The following LRRK2 variants were observed in gnomAD, a reference collection of about 807,000 sequenced individuals.
The protein encoded by LRRK2 is leucine rich repeat kinase 2.
LRRK2 carries 203 observed loss-of-function variants against 302.6 expected under a neutral mutation model. The observed-to-expected ratio is 0.67, with a 90% CI of 0.60 to 0.75. The LOEUF (loss-of-function observed/expected upper bound fraction) is 0.75. LRRK2 is among the 30% of genes least tolerant of loss of function. LRRK2 has a pLI of 0.00. For synonymous variants in LRRK2, 1,066 were observed against 1,031.9 expected, an observed-to-expected ratio of 1.03 and a Z score of -0.63; for missense variants, 2,830 against 2,951.0, an observed-to-expected ratio of 0.96 and a Z score of 0.95.
chr12:40,229,296 T>G (rs753911664), intron 2 of LRRK2, among the ~76,000 whole-genome samples: 3 of 152,160 alleles, frequency 2.0e-5, no homozygotes, highest in Non-Finnish European at 2.9e-5. Flanking sequence ...GGTAAATTTC[T>G]CCTTCATTTA....
At position 40,298,580 on chromosome 12, in the gene LRRK2, T is replaced by C. The variant is rs1944471103; in HGVS notation, c.3347+87T>C. ...GCTGACATTTTTATAGCAATGAGTTTTAACAACATGGTGAAACTCCATCTC... is the reference window on the plus strand; with the variant it reads ...GCTGACATTTTTATAGCAATGAGTTCTAACAACATGGTGAAACTCCATCTC... On this transcript the variant is annotated intron_variant, in intron 24 of 50. Coordinates refer to ENST00000298910, the MANE Select transcript of LRRK2 (RefSeq NM_198578.4). 4 of 1,520,610 alleles carry C rather than the reference T, an allele frequency of 2.6e-6. No homozygotes were observed. The South Asian group carries it at 3.4e-5, about 13-fold the overall frequency. The allele number at this position is 1,520,610 out of a possible 1,614,324, so 94.2% of individuals were successfully genotyped here.
chr12:40,361,653 A>G (rs1411196881), intron 47 of LRRK2, among the ~76,000 whole-genome samples: 1 of 152,116 alleles, frequency 6.6e-6, no homozygotes, highest in East Asian at 1.9e-4. Context: ...TGGAGCATAG[A>G]TGCTTTACTA....
At chr12:40,349,794 G>T (rs1481950440) in intron 43 of LRRK2, among the ~76,000 whole-genome samples, 1 of 152,218 alleles carries the variant, frequency 6.6e-6, no homozygotes, top group Non-Finnish European at 1.5e-5. Flanking sequence ...ATGAGCAACT[G>T]CACCTGGCCA....
chr12:40,253,075 T>C, intron 11 of LRRK2, 59 bp downstream of exon 11: 6 of 1,086,420 alleles, frequency 5.5e-6, no homozygotes, highest in Non-Finnish European at 8.4e-6. Flanking sequence ...TATTTTTAAT[T>C]ATAGAAGCTA....
intron 13 of LRRK2, among the ~76,000 whole-genome samples, chr12:40,259,927 T>C (rs1272290338): frequency 6.6e-6 from 1 of 152,162 alleles, no homozygotes; most frequent in African/African-American, 2.4e-5. Flanking sequence ...TCAAGCTTTT[T>C]TTCTCTTGTT....
intron 24 of LRRK2, among the ~76,000 whole-genome samples, chr12:40,298,874 CTATATATAATACTTAT>C (rs1944507530): frequency 1.2e-4 from 1 of 8,240 alleles, no homozygotes; most frequent in Non-Finnish European, 2.4e-4. Flanking sequence ...TATATATATA[CTATATATAATACTTAT>C]TATATATATA....
At chr12:40,351,755 A>G in intron 44 of LRRK2, 22 bp downstream of exon 44, 1 of 1,609,426 alleles carries the variant, frequency 6.2e-7, no homozygotes, top group Non-Finnish European at 8.5e-7. Flanking sequence ...TGCTCTTTAA[A>G]TCTTTCATAA....
At chr12:40,315,450 C>A in intron 33 of LRRK2, 150 bp downstream of exon 33, 1 of 701,244 alleles carries the variant, frequency 1.4e-6, no homozygotes, top group South Asian at 1.5e-5. Flanking sequence ...ACATAGAAGA[C>A]TACTTGAAGA....
At chr12:40,309,016 A>G in intron 29 of LRRK2, 90 bp from the exon 30 acceptor site, 1 of 1,339,958 alleles carries the variant, frequency 7.5e-7, no homozygotes, top group South Asian at 1.2e-5. Context: ...TAAATAATAA[A>G]TAGTATTATT....
intron 18 of LRRK2, among the ~76,000 whole-genome samples, chr12:40,281,160 T>C (rs1943681514): frequency 6.6e-6 from 1 of 152,084 alleles, no homozygotes; most frequent in South Asian, 2.1e-4. Context: ...ATCATGCTCA[T>C]TACCACCTGG....
intron 32 of LRRK2, among the ~76,000 whole-genome samples, chr12:40,315,009 C>T (rs1485203987): frequency 6.6e-6 from 1 of 152,030 alleles, no homozygotes; most frequent in Non-Finnish European, 1.5e-5. Flanking sequence ...TAAATATGAT[C>T]ATTTTATGTA....
intron 39 of LRRK2, among the ~76,000 whole-genome samples, chr12:40,331,550 A>G (rs377322594): frequency 6.6e-6 from 1 of 152,160 alleles, no homozygotes; most frequent in African/African-American, 2.4e-5. Flanking sequence ...TGGGCCATAT[A>G]TAAAATACAC....
chr12:40,329,770 C>G (rs1264852431), intron 39 of LRRK2, among the ~76,000 whole-genome samples: 1 of 152,114 alleles, frequency 6.6e-6, no homozygotes, highest in Non-Finnish European at 1.5e-5. Flanking sequence ...GATGGAGTCT[C>G]ATTAGGTTGA....
At chr12:40,324,110 T>C (rs1347682956) in intron 38 of LRRK2, among the ~76,000 whole-genome samples, 2 of 152,204 alleles carry the variant, frequency 1.3e-5, no homozygotes, top group African/African-American at 2.4e-5. Flanking sequence ...TGTCATTCTG[T>C]AGATTACATG....
chr12:40,348,177 C>A (rs1011076952), intron 42 of LRRK2, among the ~76,000 whole-genome samples: 5 of 146,508 alleles, frequency 3.4e-5, no homozygotes, highest in Non-Finnish European at 7.5e-5. Flanking sequence ...TTTATTAAAT[C>A]GTTATTTGGG....
At chr12:40,299,330 T>G in intron 25 of LRRK2, 73 bp downstream of exon 25, 1 of 1,504,964 alleles carries the variant, frequency 6.6e-7, no homozygotes. Context: ...TATGGACCCT[T>G]TAGTTGTGGA....
chr12:40,336,233 G>A (rs1479184412), intron 40 of LRRK2, among the ~76,000 whole-genome samples: 1 of 152,118 alleles, frequency 6.6e-6, no homozygotes, highest in Non-Finnish European at 1.5e-5. Context: ...AGGAATGTCT[G>A]ACTCCCAGAT....
chr12:40,278,157 C>G lies in LRRK2; in HGVS notation c.2137C>G (p.Leu713Val), dbSNP rs201532214. 3.1e-6 allele frequency: 5 copies of G among 1,613,932 alleles called. No homozygotes were observed. In the African/African-American group the frequency reaches 5.3e-5, roughly 17 times the overall value. Residue 713 changes from leucine (L) to valine (V), a missense_variant, in exon 18 of 51, where the codon CTA becomes GTA. Coordinates refer to ENST00000298910, the MANE Select transcript of LRRK2 (RefSeq NM_198578.4). ...AMDDYLKNVM[L>V]ERACDQNNSI... Reference sequence around the variant, plus strand: ...GGATGATTACTTAAAAAATGTGATGCTAGAGAGAGCGTGTGATCAGAATAA... The same window carrying G: ...GGATGATTACTTAAAAAATGTGATGGTAGAGAGAGCGTGTGATCAGAATAA...
At chr12:40,288,346 G>A (rs11175882) in intron 20 of LRRK2, among the ~76,000 whole-genome samples, 4,342 of 151,596 alleles carry the variant, frequency 0.029, 221 homozygotes, top group African/African-American at 0.096. Flanking sequence ...GGTCATTGTC[G>A]CTATTAAGTT....
Sources: allele counts gnomAD v4.1 joint callset (sites outside exome capture counted in the v4.1 genomes callset), GRCh38; gene constraint gnomAD v4.1.1; transcripts MANE v1.5; gene names NCBI Gene and HGNC (gene_info 2026-07-23, HGNC 2026-07-21).